Variants in SHANK2 observed in about 807,000 individuals in gnomAD.
SHANK2 encodes the protein SH3 and multiple ankyrin repeat domains protein 2.
A neutral mutation model predicts 133.7 loss-of-function variants in SHANK2; 43 were observed. That is an observed-to-expected ratio of 0.32 (90% CI 0.25 to 0.41). The LOEUF is 0.41. SHANK2 is among the 10% of genes least tolerant of loss of function. The pLI, the probability that SHANK2 is intolerant of heterozygous loss-of-function variation, is 1.00. For synonymous variants in SHANK2, 1,017 were observed against 952.8 expected (o/e 1.07, Z -1.24); for missense variants, 1,994 against 2,235.8 (o/e 0.89, Z 2.18).
At chr11:70,528,525 G>GGC (rs1316818590) in intron 17 of SHANK2, among the ~76,000 whole-genome samples, 1 of 152,142 alleles carries the variant, frequency 6.6e-6, no homozygotes, top group Non-Finnish European at 1.5e-5. Context: ...GTTGCCCAGA[G>GGC]CTCCATTAGC....
At position 70,599,863 on chromosome 11, in the gene SHANK2, A is replaced by AAAAGAAAGAAAGAAAG. The variant is rs797024328; in HGVS notation, c.2061+59949_2061+59964dup. On this transcript the variant is annotated intron_variant, in intron 17 of 25. Transcript: ENST00000601538. The stretch of plus-strand genomic sequence containing the variant: ...AAGGAGAGAACGAAAGAAAGAAATA[A>AAAAGAAAGAAAGAAAG]AAAGAAAGAAAGAAAGAAAGAAAGA... Among the ~76,000 whole-genome samples, 218 of 68,246 alleles carry AAAAGAAAGAAAGAAAG rather than the reference A, an allele frequency of 3.2e-3. 13 individuals carry two copies. The highest frequency in any genetic ancestry group is 7.7e-3 in the African/African-American group (152 of 19,636). 44.8% of individuals were successfully genotyped at this position (68,246 alleles called of 152,430 possible).
chr11:71,109,312 G>A (rs1313801942), intron 6 of SHANK2, among the ~76,000 whole-genome samples: 2 of 152,186 alleles, frequency 1.3e-5, no homozygotes, highest in Non-Finnish European at 2.9e-5. Context: ...CAGGGACAGT[G>A]GGTGATGTCT....
intron 11 of SHANK2, among the ~76,000 whole-genome samples, chr11:70,860,964 G>T (rs1013812411): frequency 6.6e-6 from 1 of 152,204 alleles, no homozygotes; most frequent in Admixed American, 6.5e-5. Flanking sequence ...CATCTCAGGG[G>T]ATACTCTCTT....
chr11:71,091,922 C>T (rs996774439), intron 8 of SHANK2, among the ~76,000 whole-genome samples: 2 of 152,240 alleles, frequency 1.3e-5, no homozygotes, highest in Non-Finnish European at 2.9e-5. Flanking sequence ...CCGGTGAAAT[C>T]TGTTTCTTGC....
At chr11:70,581,456 T>A (rs1554985442) in intron 17 of SHANK2, among the ~76,000 whole-genome samples, 1 of 152,166 alleles carries the variant, frequency 6.6e-6, no homozygotes, top group African/African-American at 2.4e-5. Flanking sequence ...TTTGGGAGGC[T>A]GAAGATGGCA....
intron 2 of SHANK2, among the ~76,000 whole-genome samples, chr11:71,161,070 A>C (rs533016744): frequency 3.9e-5 from 6 of 152,254 alleles, no homozygotes; most frequent in Non-Finnish European, 8.8e-5. Flanking sequence ...AAGGCATTCC[A>C]AAGTAAAACT....
chr11:70,923,387 C>T (rs1305169504), intron 10 of SHANK2, among the ~76,000 whole-genome samples: 1 of 152,204 alleles, frequency 6.6e-6, no homozygotes, highest in African/African-American at 2.4e-5. Flanking sequence ...GGATTACAGG[C>T]ATGAGCTACT....
At chr11:71,160,448 G>A (rs2135461825) in intron 2 of SHANK2, among the ~76,000 whole-genome samples, 1 of 152,254 alleles carries the variant, frequency 6.6e-6, no homozygotes, top group Non-Finnish European at 1.5e-5. Flanking sequence ...TATAAAGAAA[G>A]GAAGAAACAT....
At chr11:70,635,972 A>G (rs1363216862) in intron 17 of SHANK2, among the ~76,000 whole-genome samples, 1 of 152,196 alleles carries the variant, frequency 6.6e-6, no homozygotes, top group African/African-American at 2.4e-5. Flanking sequence ...CCCCTCCCGA[A>G]TGTTCCAGAA....
chr11:71,198,871 T>A (rs1307940397), intron 2 of SHANK2, among the ~76,000 whole-genome samples: 5 of 152,218 alleles, frequency 3.3e-5, no homozygotes, highest in African/African-American at 1.2e-4. Context: ...GGCCTGAGCA[T>A]CCTGTGGCAG....
chr11:70,639,997 T>C (rs1164654395), intron 17 of SHANK2, among the ~76,000 whole-genome samples: 8 of 152,192 alleles, frequency 5.3e-5, no homozygotes, highest in Non-Finnish European at 1.0e-4. Flanking sequence ...TCAGAGGGCT[T>C]TGCCCAGGCC....
chr11:71,062,059 C>T (rs1464471794), intron 9 of SHANK2, among the ~76,000 whole-genome samples: 3 of 148,058 alleles, frequency 2.0e-5, no homozygotes, highest in African/African-American at 7.5e-5. Flanking sequence ...CAGGCCCAAG[C>T]GATCCTCCAC....
intron 14 of SHANK2, among the ~76,000 whole-genome samples, chr11:70,795,783 C>T (rs1336981261): frequency 6.6e-6 from 1 of 152,148 alleles, no homozygotes; most frequent in African/African-American, 2.4e-5. Flanking sequence ...AAGAAGGACC[C>T]TACCAACAGG....
chr11:71,193,132 C>T (rs554365700), intron 2 of SHANK2, among the ~76,000 whole-genome samples: 1 of 152,344 alleles, frequency 6.6e-6, no homozygotes, highest in East Asian at 1.9e-4. Context: ...AGAGACATAA[C>T]TCTGCTAAAG....
intron 8 of SHANK2, among the ~76,000 whole-genome samples, chr11:71,081,229 C>T (rs898778930): frequency 6.6e-5 from 10 of 152,084 alleles, no homozygotes; most frequent in Admixed American, 2.0e-4. Context: ...ACCAGCCCTG[C>T]GACGCCTTCG....
At chr11:71,074,353 A>G (rs971255232) in intron 9 of SHANK2, among the ~76,000 whole-genome samples, 4 of 152,180 alleles carry the variant, frequency 2.6e-5, no homozygotes, top group Middle Eastern at 3.2e-3. Context: ...GGGCAGGCAC[A>G]CCCAGCATGG....
intron 10 of SHANK2, among the ~76,000 whole-genome samples, chr11:70,899,286 C>T (rs1318167232): frequency 3.3e-5 from 5 of 152,120 alleles, no homozygotes; most frequent in Admixed American, 1.3e-4. Flanking sequence ...TGAGATCTGA[C>T]GGTTTTATAA....
intron 17 of SHANK2, among the ~76,000 whole-genome samples, chr11:70,637,762 G>A (rs533669270): frequency 4.6e-5 from 7 of 152,354 alleles, no homozygotes; most frequent in Admixed American, 1.3e-4. Context: ...CTAGGTGTCA[G>A]ACCCCTTTCC....
chr11:70,801,209 G>A (rs1171888048), intron 13 of SHANK2, among the ~76,000 whole-genome samples: 1 of 152,198 alleles, frequency 6.6e-6, no homozygotes, highest in Non-Finnish European at 1.5e-5. Context: ...TCTCTATGAA[G>A]TATGCACTTC....
Sources: gnomAD v4.1 joint callset for allele counts (sites outside exome capture counted in the v4.1 genomes callset) on GRCh38, gnomAD v4.1.1 for gene constraint, MANE v1.5 for transcripts, NCBI Gene and HGNC (gene_info 2026-07-23, HGNC 2026-07-21) for gene names.